The following AKR1C3 variants were observed in gnomAD, a reference collection of about 807,000 sequenced individuals.
The protein encoded by AKR1C3 is 3-alpha hydroxysteroid dehydrogenase, type II.
Under a neutral mutation model 43.6 loss-of-function variants are expected in AKR1C3, and 48 were observed. The ratio of observed to expected loss-of-function variants is 1.10; its 90% CI spans 0.87 to 1.40. The LOEUF (loss-of-function observed/expected upper bound fraction) is 1.40. Ranked by LOEUF, AKR1C3 falls within the 40% of genes most tolerant of loss-of-function variation. The pLI, the probability that AKR1C3 is intolerant of heterozygous loss-of-function variation, is 0.00. For synonymous variants in AKR1C3, 162 were observed against 139.6 expected (o/e 1.16, Z -1.13); for missense variants, 482 against 391.2 (o/e 1.23, Z -1.96).
At chr10:5,059,247 T>C (rs1377206730) in intron 1 of AKR1C3, among the ~76,000 whole-genome samples, 3 of 152,154 alleles carry the variant, frequency 2.0e-5, no homozygotes, top group African/African-American at 7.2e-5. Flanking sequence ...GTCATTCTTA[T>C]GGGAGAAACT....
At chr10:5,091,798 T>C (rs532666922), upstream of AKR1C3, among the ~76,000 whole-genome samples, 4 of 152,172 alleles carry the variant, frequency 2.6e-5, no homozygotes, top group Non-Finnish European at 5.9e-5. Context: ...TTGTACACAT[T>C]TGTATTTTAA....
At chr10:5,074,388 G>T (rs1838668800) in intron 1 of AKR1C3, among the ~76,000 whole-genome samples, 1 of 152,156 alleles carries the variant, frequency 6.6e-6, no homozygotes, top group Non-Finnish European at 1.5e-5. Flanking sequence ...ATTCAGAAGG[G>T]CAGGAAATAC....
chr10:5,093,215 T>G (rs1464912500), upstream of AKR1C3, among the ~76,000 whole-genome samples: 1 of 151,160 alleles, frequency 6.6e-6, no homozygotes, highest in Non-Finnish European at 1.5e-5. Flanking sequence ...AGCACCCCCA[T>G]AAATAAATAA....
In AKR1C3 at chr10:5,077,116, G is replaced by A. The variant is rs189186483; in HGVS notation, c.85-19294G>A. ...CTTTTTTTTTCACTAAAGAACATTC[G>A]TGGTGGTTTAGTGATGAGGTTAATA... is the stretch of plus-strand genomic sequence containing the variant. On this transcript the variant is annotated intron_variant, in intron 1 of 8. Coordinates refer to the AKR1C3 transcript ENST00000439082. Among the ~76,000 whole-genome samples the A allele has an allele frequency of 4.6e-5, 7 of 151,848 alleles. No individual in the cohort carries two copies. In the East Asian group the frequency reaches 7.7e-4, roughly 17 times the overall value.
chr10:5,069,656 C>G lies in AKR1C3; in HGVS notation c.84+20761C>G, dbSNP rs118183075. Among the ~76,000 whole-genome samples, 1,119 of 152,228 alleles carry G rather than the reference C, an allele frequency of 7.4e-3. 4 individuals are homozygous for G. The highest frequency in any genetic ancestry group is 0.013 in the Non-Finnish European group (864 of 68,008). On this transcript the variant is annotated intron_variant, in intron 1 of 8. Transcript: ENST00000439082. ...TTGAGAGGCCAAGACAGGTGGATCA[C>G]TTGAGGTCAGGTGTTCAAGATGAGC...
intron 1 of AKR1C3, among the ~76,000 whole-genome samples, chr10:5,063,096 C>T (rs1554780403): frequency 6.6e-6 from 1 of 152,026 alleles, no homozygotes; most frequent in Non-Finnish European, 1.5e-5. Flanking sequence ...GAATAGGTGG[C>T]AAAATATGAA....
chr10:5,065,852 T>C lies in AKR1C3; in HGVS notation c.84+16957T>C, dbSNP rs560519061. The stretch of plus-strand genomic sequence containing the variant: ...CTCATTTCCCCACTGAGAGATGTGA[T>C]CTTCATAAATCTTTATGGGAGGCAG... On this transcript the variant is annotated intron_variant, in intron 1 of 8. Coordinates refer to the AKR1C3 transcript ENST00000439082. 3.9e-5 allele frequency among the ~76,000 whole-genome samples: 6 copies of C among 152,330 alleles called. No individual in the cohort carries two copies. The South Asian group carries it at 1.2e-3, about 32-fold the overall frequency.
chr10:5,078,988 C>T (rs1446266431), intron 1 of AKR1C3, among the ~76,000 whole-genome samples: 2 of 152,124 alleles, frequency 1.3e-5, no homozygotes, highest in Non-Finnish European at 2.9e-5. Context: ...GTGTTAACTC[C>T]AGTCTCCTTG....
intron 1 of AKR1C3, among the ~76,000 whole-genome samples, chr10:5,063,245 G>A (rs1838419154): frequency 1.3e-5 from 2 of 152,138 alleles, no homozygotes; most frequent in Non-Finnish European, 2.9e-5. Context: ...ACAATGTGAA[G>A]TGGAATAAAA....
chr10:5,051,363 C>G (rs34569715), intron 1 of AKR1C3, among the ~76,000 whole-genome samples: 1 of 152,128 alleles, frequency 6.6e-6, no homozygotes, highest in African/African-American at 2.4e-5. Flanking sequence ...TCCCAAAGTG[C>G]TGGGATTACA....
Position 5,099,381 on chromosome 10 carries a change from T to A in AKR1C3, c.502T>A (p.Phe168Ile). ...GGCCAAGTCCATTGGGGTGTCAAAC[T>A]TCAACCGCAGGCAGCTGGAGATGAT... Reference protein sequence around the residue: ...GLAKSIGVSNFNRRQLEMILN... With the variant: ...GLAKSIGVSNINRRQLEMILN... Residue 168 changes from phenylalanine (F) to isoleucine (I), a missense_variant, in exon 5 of 9, where the codon TTC (phenylalanine) becomes ATC (isoleucine). Transcript: ENST00000380554. The A allele has an allele frequency of 1.2e-6, 2 of 1,614,152 alleles. No homozygotes were observed. The highest frequency in any genetic ancestry group is 1.3e-5 in the African/African-American group (1 of 75,038).
chr10:5,102,319 A>G, intron 6 of AKR1C3, 109 bp downstream of exon 6: 3 of 1,588,428 alleles, frequency 1.9e-6, no homozygotes, highest in Non-Finnish European at 2.6e-6. Flanking sequence ...CATGGAGAGG[A>G]AAGAGAATTG....
At chr10:5,093,145 G>T (rs1455831173), upstream of AKR1C3, among the ~76,000 whole-genome samples, 1 of 151,956 alleles carries the variant, frequency 6.6e-6, no homozygotes, top group Non-Finnish European at 1.5e-5. Context: ...GGGTTAGACG[G>T]ACTATTGCAC....
At chr10:5,106,650 C>T (rs1442308194) in intron 8 of AKR1C3, among the ~76,000 whole-genome samples, 1 of 151,932 alleles carries the variant, frequency 6.6e-6, no homozygotes, top group Non-Finnish European at 1.5e-5. Context: ...ACTTGGAAGG[C>T]TGAGGCAGGA....
At position 5,055,187 on chromosome 10, in the gene AKR1C3, C is replaced by T. The variant is rs191299895; in HGVS notation, c.84+6292C>T. On this transcript the variant is annotated intron_variant, in intron 1 of 8. Transcript: ENST00000439082. ...CATCTCTGTGGCATAACCTGTCCTT[C>T]GTATCCCATTCTCCACAAATGAACT... 2.0e-5 allele frequency among the ~76,000 whole-genome samples: 3 copies of T among 152,314 alleles called. No homozygotes were observed. The East Asian group carries it at 5.8e-4, about 29-fold the overall frequency.
chr10:5,062,765 T>C (rs1473869586), intron 1 of AKR1C3, among the ~76,000 whole-genome samples: 3 of 151,800 alleles, frequency 2.0e-5, no homozygotes, highest in Non-Finnish European at 2.9e-5. Flanking sequence ...AGATAATCAT[T>C]AGGGCAGTCA....
intron 1 of AKR1C3, among the ~76,000 whole-genome samples, chr10:5,062,792 C>G (rs1211275778): frequency 9.3e-5 from 14 of 150,468 alleles, no homozygotes; most frequent in Middle Eastern, 3.4e-3. Flanking sequence ...AATACTAGAT[C>G]TGCTACAGGC....
At chr10:5,058,983 C>G (rs536212442) in intron 1 of AKR1C3, among the ~76,000 whole-genome samples, 1 of 152,092 alleles carries the variant, frequency 6.6e-6, no homozygotes, top group South Asian at 2.1e-4. Flanking sequence ...AGGACCTTAC[C>G]CTGACGGAGG....
chr10:5,080,449 C>A (rs1291304204), intron 1 of AKR1C3, among the ~76,000 whole-genome samples: 1 of 151,998 alleles, frequency 6.6e-6, no homozygotes, highest in Non-Finnish European at 1.5e-5. Context: ...CATGGTGAAA[C>A]CCCATGTTTA....
Sources: allele counts gnomAD v4.1 joint callset (sites outside exome capture counted in the v4.1 genomes callset), GRCh38; gene constraint gnomAD v4.1.1; transcripts MANE v1.5; gene names NCBI Gene and HGNC (gene_info 2026-07-23, HGNC 2026-07-21).